Variants in EPSTI1 observed in about 807,000 individuals in gnomAD.
EPSTI1 encodes epithelial-stromal interaction protein 1.
EPSTI1 carries 66 observed loss-of-function variants against 49.9 expected under a neutral mutation model. That is an observed-to-expected ratio of 1.32 (90% CI 1.08 to 1.62). The LOEUF (loss-of-function observed/expected upper bound fraction) is 1.62. EPSTI1 is among the 40% of genes most tolerant of loss of function. The pLI is 0.00. For missense variants in EPSTI1, 394 were observed against 365.5 expected (o/e 1.08, Z -0.64); for synonymous variants, 137 against 130.7 (o/e 1.05, Z -0.33).
chr13:42,909,063 A>C (rs1274165856), intron 8 of EPSTI1, among the ~76,000 whole-genome samples: 1 of 151,176 alleles, frequency 6.6e-6, no homozygotes, highest in Non-Finnish European at 1.5e-5. Flanking sequence ...ATTGCACTCC[A>C]GCCTGGGCAA....
intron 7 of EPSTI1, chr13:42,919,437 A>T: frequency 2.9e-6 from 3 of 1,036,000 alleles, no homozygotes; most frequent in East Asian, 2.4e-5. Context: ...CTAACATTGA[A>T]ATATTCATTT....
rs151009816 is a variant in EPSTI1, at chr13:42,891,631, C to T, written c.916-3129G>A. On this transcript the variant is annotated intron_variant, in intron 10 of 10. Coordinates refer to ENST00000313624, the MANE Select transcript of EPSTI1 (RefSeq NM_033255.5). ...TTATTTCATCAAACGTTTTATACATCGTGATTTTAAATTCAGTATCTAATC... is the reference window on the plus strand; with the variant it reads ...TTATTTCATCAAACGTTTTATACATTGTGATTTTAAATTCAGTATCTAATC... Among the ~76,000 whole-genome samples, 6 of 152,214 alleles carry T rather than the reference C, an allele frequency of 3.9e-5. 1 individual carries two copies. Among genetic ancestry groups the T allele is most frequent in the South Asian group, 2.1e-4 (1 of 4,826 alleles).
intron 7 of EPSTI1, among the ~76,000 whole-genome samples, chr13:42,920,782 G>A (rs937917462): frequency 6.6e-6 from 1 of 152,088 alleles, no homozygotes; most frequent in African/African-American, 2.4e-5. Context: ...ACTGACCAGT[G>A]AGCCTCTGAG....
At chr13:42,904,404 CTATTG>C (rs1197579086) in intron 8 of EPSTI1, among the ~76,000 whole-genome samples, 1 of 152,156 alleles carries the variant, frequency 6.6e-6, no homozygotes, top group South Asian at 2.1e-4. Context: ...TAAAGTGTTT[CTATTG>C]TATTGACGAA....
At chr13:42,919,545 G>A (rs537569930) in intron 7 of EPSTI1, among the ~76,000 whole-genome samples, 1 of 152,258 alleles carries the variant, frequency 6.6e-6, no homozygotes, top group South Asian at 2.1e-4. Context: ...TCTATTAACA[G>A]TGTTTAAGGC....
At chr13:42,911,278 C>T (rs1032888623) in intron 8 of EPSTI1, among the ~76,000 whole-genome samples, 38 of 111,600 alleles carry the variant, frequency 3.4e-4, no homozygotes, top group East Asian at 7.5e-4. Context: ...CGCGCACGCG[C>T]GCACACGTGT....
intron 8 of EPSTI1, among the ~76,000 whole-genome samples, chr13:42,908,023 G>A (rs1340639710): frequency 6.6e-6 from 1 of 152,144 alleles, no homozygotes; most frequent in Non-Finnish European, 1.5e-5. Flanking sequence ...ACAGTAGTGG[G>A]AAAACTGAAT....
intron 7 of EPSTI1, among the ~76,000 whole-genome samples, chr13:42,921,738 A>C (rs1021967317): frequency 2.6e-5 from 4 of 152,146 alleles, no homozygotes; most frequent in African/African-American, 9.7e-5. Flanking sequence ...TCCCTAGGTG[A>C]ATCCAGTGTG....
At chr13:42,920,381 T>C (rs1223944919) in intron 7 of EPSTI1, among the ~76,000 whole-genome samples, 5 of 152,118 alleles carry the variant, frequency 3.3e-5, no homozygotes, top group Non-Finnish European at 5.9e-5. Flanking sequence ...GGGAAATCTA[T>C]GAAGACCAAG....
At chr13:42,893,478 G>A (rs2037098047) in intron 10 of EPSTI1, among the ~76,000 whole-genome samples, 1 of 152,144 alleles carries the variant, frequency 6.6e-6, no homozygotes, top group Non-Finnish European at 1.5e-5. Context: ...AACCCATTTG[G>A]ACTTGGATAT....
chr13:42,923,684 A>T (rs977251613), intron 7 of EPSTI1, among the ~76,000 whole-genome samples: 1 of 152,252 alleles, frequency 6.6e-6, no homozygotes, highest in Non-Finnish European at 1.5e-5. Flanking sequence ...ACTTCTGCCT[A>T]CACACACAAT....
chr13:42,923,494 G>A (rs1208072872), intron 7 of EPSTI1, among the ~76,000 whole-genome samples: 1 of 152,194 alleles, frequency 6.6e-6, no homozygotes, highest in African/African-American at 2.4e-5. Flanking sequence ...CTGGGAGGTG[G>A]AGGTTGCAGT....
intron 2 of EPSTI1, chr13:42,970,026 G>A (rs181707058): frequency 3.3e-5 from 5 of 152,406 alleles, no homozygotes; most frequent in Admixed American, 2.0e-4. Flanking sequence ...CTACATGTCC[G>A]GTGGAGACTC....
intron 6 of EPSTI1, among the ~76,000 whole-genome samples, chr13:42,932,737 C>G (rs1233926839): frequency 6.6e-6 from 1 of 152,104 alleles, no homozygotes; most frequent in Admixed American, 6.5e-5. Flanking sequence ...CCAAAACATT[C>G]ATCAATTATA....
At chr13:42,915,000 A>G (rs539834249) in intron 8 of EPSTI1, among the ~76,000 whole-genome samples, 162 of 152,360 alleles carry the variant, frequency 1.1e-3, no homozygotes, top group African/African-American at 3.8e-3. Flanking sequence ...AGTCAGAGAG[A>G]CACATAGAAC....
intron 7 of EPSTI1, among the ~76,000 whole-genome samples, chr13:42,920,840 GAAGT>G (rs1468514719): frequency 3.3e-5 from 5 of 151,622 alleles, no homozygotes; most frequent in South Asian, 2.1e-4. Flanking sequence ...TTTCTTCTGA[GAAGT>G]AAGAAGTGAT....
chr13:42,926,057 A>AAGGAAGGAAGG (rs1245739351), intron 7 of EPSTI1, among the ~76,000 whole-genome samples: 1 of 150,596 alleles, frequency 6.6e-6, no homozygotes, highest in African/African-American at 2.5e-5. Flanking sequence ...GGTAGGAAGG[A>AAGGAAGGAAGG]TGGAAGGATG....
chr13:42,935,653 G>A (rs377500044), intron 6 of EPSTI1, among the ~76,000 whole-genome samples: 50 of 152,210 alleles, frequency 3.3e-4, no homozygotes, highest in African/African-American at 1.1e-3. Flanking sequence ...GTGTAACGGC[G>A]TGATCTCGGC....
rs1194180582 is a variant in EPSTI1 at position 42,922,885 on chromosome 13, T to G, written c.657+3451A>C. 6.6e-6 allele frequency among the ~76,000 whole-genome samples: 1 copy of G among 152,226 alleles called. No homozygotes were observed. The highest frequency in any genetic ancestry group is 1.5e-5 in the Non-Finnish European group (1 of 68,044). ...GCACACACATCTTCCATGGACTGTA[T>G]TAAATACAAGCTCTGATTCAGGAGG... On this transcript the variant is annotated intron_variant, in intron 7 of 10. Transcript: ENST00000313624. The surrounding 1 kb of genome is among the most constrained non-coding windows in gnomAD (Gnocchi z 4.8).
Sources: allele counts gnomAD v4.1 joint callset (sites outside exome capture counted in the v4.1 genomes callset), GRCh38; gene constraint gnomAD v4.1.1; non-coding constraint Gnocchi (gnomAD v3.1); transcripts MANE v1.5; gene names NCBI Gene and HGNC (gene_info 2026-07-23, HGNC 2026-07-21).